The following CDK5RAP2 variants were observed in gnomAD, a reference collection of about 807,000 sequenced individuals.
The protein encoded by CDK5RAP2 is CDK5 regulatory subunit associated protein 2.
In CDK5RAP2, 147 loss-of-function variants were observed where a neutral mutation model predicts 232.9. The ratio of observed to expected loss-of-function variants is 0.63; its 90% CI spans 0.55 to 0.72. The LOEUF (loss-of-function observed/expected upper bound fraction) is 0.72, where lower values mean the gene tolerates loss of function less well. Ranked by LOEUF, CDK5RAP2 falls within the 30% of genes least tolerant of loss-of-function variation. CDK5RAP2 has a pLI of 0.00. For missense variants in CDK5RAP2, 2,195 were observed against 2,231.5 expected, an observed-to-expected ratio of 0.98 and a Z score of 0.33; for synonymous variants, 833 against 833.7, an observed-to-expected ratio of 1.00 and a Z score of 0.01.
intron 14 of CDK5RAP2, 43 bp from the exon 15 acceptor site, chr9:120,477,493 G>C: frequency 1.4e-6 from 2 of 1,381,200 alleles, no homozygotes; most frequent in South Asian, 2.3e-5. Context: ...AAAGAATTTT[G>C]AAAGAGTACA....
At chr9:120,508,313 C>T (rs1013554774) in intron 12 of CDK5RAP2, among the ~76,000 whole-genome samples, 2 of 152,124 alleles carry the variant, frequency 1.3e-5, no homozygotes, top group African/African-American at 4.8e-5. Context: ...CAGGCTGTGG[C>T]GGAAACAGAT....
intron 5 of CDK5RAP2, 27 bp from the exon 6 acceptor site, chr9:120,539,191 C>G: frequency 1.2e-6 from 2 of 1,613,492 alleles, no homozygotes; most frequent in Non-Finnish European, 1.7e-6. Context: ...AGGGGTAAAA[C>G]ATGCAAGGGT....
chr9:120,445,453 T>C (rs942140274), intron 22 of CDK5RAP2, among the ~76,000 whole-genome samples: 1 of 152,172 alleles, frequency 6.6e-6, no homozygotes, highest in Non-Finnish European at 1.5e-5. Context: ...CTCAGGGCTG[T>C]CCATGCTTGC....
At chr9:120,467,172 A>G (rs1376804521) in intron 18 of CDK5RAP2, among the ~76,000 whole-genome samples, 1 of 152,232 alleles carries the variant, frequency 6.6e-6, no homozygotes, top group East Asian at 1.9e-4. Flanking sequence ...GAAGTCATCA[A>G]GGTGAATAAG....
At chr9:120,481,502 C>A (rs375971515) in intron 14 of CDK5RAP2, among the ~76,000 whole-genome samples, 2 of 133,776 alleles carry the variant, frequency 1.5e-5, no homozygotes, top group African/African-American at 5.5e-5. Context: ...ATATTGTTTT[C>A]TTTTTTTTTT....
rs1279792467 is a variant in CDK5RAP2, at chr9:120,403,792, G to A, written c.5041+244C>T. 7.3e-6 allele frequency: 4 copies of A among 548,938 alleles called. No individual in the cohort carries two copies. The highest frequency in any genetic ancestry group is 3.3e-6 in the Non-Finnish European group (1 of 305,294). The allele number at this position is 548,938 out of a possible 1,614,324, so 34.0% of individuals were successfully genotyped here. ...TGGAGGGCCTTGAAAGCCTCACAAA[G>A]GTGGTCACAATTTTAATCTAAGGCA... On this transcript the variant is annotated intron_variant, in intron 33 of 37. Coordinates refer to ENST00000349780, the MANE Select transcript of CDK5RAP2 (RefSeq NM_018249.6). The surrounding 1 kb of genome is among the most constrained non-coding windows in gnomAD (Gnocchi z 4.2).
intron 17 of CDK5RAP2, among the ~76,000 whole-genome samples, chr9:120,469,161 C>T (rs976871351): frequency 1.8e-4 from 27 of 152,168 alleles, no homozygotes; most frequent in African/African-American, 6.3e-4. Flanking sequence ...TTTTATTCTC[C>T]TTGCTATTTC....
intron 12 of CDK5RAP2, among the ~76,000 whole-genome samples, chr9:120,516,787 C>T (rs1041637249): frequency 3.3e-5 from 5 of 152,120 alleles, no homozygotes; most frequent in African/African-American, 1.2e-4. Flanking sequence ...TATGAGCATG[C>T]CACCGCACTC....
Position 120,389,598 on chromosome 9 carries a change from A to C in CDK5RAP2, c.5625+143T>G. On this transcript the variant is annotated intron_variant, in intron 37 of 37. Coordinates refer to ENST00000349780, the MANE Select transcript of CDK5RAP2 (RefSeq NM_018249.6). ...AGGGCATGATAAAACACAACTTTTC[A>C]TGCACTGCTGGCAGAAACAACTCTC... 5 of 784,000 alleles carry C rather than the reference A, an allele frequency of 6.4e-6. No individual in the cohort carries two copies. The South Asian group carries it at 8.2e-5, about 13-fold the overall frequency. 48.6% of individuals were successfully genotyped at this position (784,000 alleles called of 1,614,324 possible). A position where few individuals can be genotyped will look rare whatever the true frequency, so the allele number is the denominator to read the frequency against.
In CDK5RAP2 at chr9:120,527,770, TA is replaced by T. The variant is rs769592425; in HGVS notation, c.999+35del. On this transcript the variant is annotated intron_variant, in intron 10 of 37. Transcript: ENST00000349780. Reference sequence around the variant, plus strand: ...AGGACAGGCCAGTCATAGAAGCTAATAAAGAAAAATCTTACTTCAAGTGTAT... The same window carrying T: ...AGGACAGGCCAGTCATAGAAGCTAATAAGAAAAATCTTACTTCAAGTGTAT... The T allele has an allele frequency of 5.6e-6, 9 of 1,610,144 alleles. No individual in the cohort carries two copies. The East Asian group carries it at 2.0e-4, about 36-fold the overall frequency.
At chr9:120,429,536 G>A (rs1456150066) in intron 25 of CDK5RAP2, among the ~76,000 whole-genome samples, 1 of 152,152 alleles carries the variant, frequency 6.6e-6, no homozygotes, top group Non-Finnish European at 1.5e-5. Context: ...AAAATACTTA[G>A]GAATTCAACT....
intron 23 of CDK5RAP2, among the ~76,000 whole-genome samples, 188 bp downstream of exon 23, chr9:120,443,432 C>G (rs1422703585): frequency 6.6e-6 from 1 of 152,216 alleles, no homozygotes; most frequent in African/African-American, 2.4e-5. Context: ...TGACTCTTCT[C>G]CTACTTACCA....
intron 6 of CDK5RAP2, among the ~76,000 whole-genome samples, chr9:120,536,839 TAAAC>T (rs1322379467): frequency 6.6e-6 from 1 of 152,128 alleles, no homozygotes; most frequent in Non-Finnish European, 1.5e-5. Context: ...CTCTCAATAA[TAAAC>T]ATACATAAAT....
intron 27 of CDK5RAP2, among the ~76,000 whole-genome samples, chr9:120,417,495 T>A (rs2034301397): frequency 6.6e-6 from 1 of 152,246 alleles, no homozygotes. Flanking sequence ...GCAACCTTCC[T>A]TGCTGGTTTA....
Position 120,439,427 on chromosome 9 carries a change from TCTG to T in CDK5RAP2, c.3691_3693del (p.Gln1231del), listed in dbSNP as rs2035768851. On this transcript the variant is annotated inframe_deletion, in exon 24 of 38. Coordinates refer to ENST00000349780, the MANE Select transcript of CDK5RAP2 (RefSeq NM_018249.6). ...GGAGGTGAGAGATCTCTGAACTTAT[TCTG>T]CAGATTATGGATCTCACTGAAAAGT... The T allele has an allele frequency of 5.0e-6, 8 of 1,614,144 alleles. No homozygotes were observed. In the South Asian group the frequency reaches 8.8e-5, roughly 18 times the overall value.
chr9:120,458,409 A>G (rs2036903242), intron 20 of CDK5RAP2, 41 bp downstream of exon 20: 3 of 1,596,024 alleles, frequency 1.9e-6, no homozygotes, highest in Non-Finnish European at 2.6e-6. Context: ...GTTCTCCCCT[A>G]GAACTAGAGA....
At chr9:120,530,244 T>C in intron 7 of CDK5RAP2, 104 bp from the exon 8 acceptor site, 3 of 779,132 alleles carry the variant, frequency 3.9e-6, no homozygotes, top group Non-Finnish European at 6.4e-6. Context: ...AGTAGACATA[T>C]ACAATGGCTG....
chr9:120,437,164 C>T lies in CDK5RAP2; in HGVS notation c.3955+131G>A, dbSNP rs887472331. The T allele has an allele frequency of 2.8e-5, 20 of 725,544 alleles. No individual in the cohort carries two copies. In the African/African-American group the frequency reaches 3.1e-4, roughly 11 times the overall value. The allele number at this position is 725,544 out of a possible 1,614,324, so 44.9% of individuals were successfully genotyped here. A position where few individuals can be genotyped will look rare whatever the true frequency, so the allele number is the denominator to read the frequency against. ...GGAGGAAGCAGCAGCCAGTGTGGTT[C>T]TGCTGTCACCTCATCAAGGCAGAGG... On this transcript the variant is annotated intron_variant, in intron 25 of 37. Coordinates refer to ENST00000349780, the MANE Select transcript of CDK5RAP2 (RefSeq NM_018249.6).
chr9:120,389,909 G>A, intron 36 of CDK5RAP2, 122 bp from the exon 37 acceptor site: 1 of 851,926 alleles, frequency 1.2e-6, no homozygotes, highest in South Asian at 1.4e-5. Context: ...ACAACACGAG[G>A]TCTGAAGCAT....
Sources: gnomAD v4.1 joint callset for allele counts (sites outside exome capture counted in the v4.1 genomes callset) on GRCh38, gnomAD v4.1.1 for gene constraint, Gnocchi (gnomAD v3.1) non-coding constraint, MANE v1.5 for transcripts, NCBI Gene and HGNC (gene_info 2026-07-23, HGNC 2026-07-21) for gene names.